Variants in EYS observed in about 807,000 individuals in gnomAD.
EYS encodes the protein protein eyes shut homolog.
In EYS, 250 loss-of-function variants were observed where a neutral mutation model predicts 282.1. That is an observed-to-expected ratio of 0.89 (90% CI 0.80 to 0.98). EYS has a LOEUF of 0.98. Among genes scored for constraint, EYS ranks in the 50% least tolerant of loss-of-function variants. The pLI, the probability that EYS is intolerant of heterozygous loss-of-function variation, is 0.00. For synonymous variants in EYS, 1,355 were observed against 1,282.9 expected (o/e 1.06, Z -1.20); for missense variants, 4,016 against 3,709.0 (o/e 1.08, Z -2.15).
rs567029857 is a variant in EYS at position 64,755,178 on chromosome 6, G to A, written c.3443+58200C>T. On this transcript the variant is annotated intron_variant, in intron 22 of 42. Transcript: ENST00000503581. ...AAGTTGAGAACAAATAAAGACCTAA[G>A]TTCCATTCATAATACCTATAAAAAC... Among the ~76,000 whole-genome samples the A allele has an allele frequency of 7.9e-5, 12 of 152,104 alleles. No individual in the cohort carries two copies. The East Asian group carries it at 1.9e-3, about 24-fold the overall frequency.
intron 26 of EYS, among the ~76,000 whole-genome samples, chr6:64,461,296 A>G (rs1441415943): frequency 6.6e-6 from 1 of 152,212 alleles, no homozygotes. Context: ...AATTATTTGC[A>G]TTATATGACA....
intron 19 of EYS, among the ~76,000 whole-genome samples, chr6:64,868,800 A>T (rs1056281777): frequency 6.6e-6 from 1 of 151,506 alleles, no homozygotes; most frequent in African/African-American, 2.4e-5. Flanking sequence ...ACAGGCCATC[A>T]GGTTAAAAAG....
intron 22 of EYS, among the ~76,000 whole-genome samples, chr6:64,737,729 A>G (rs908560029): frequency 6.6e-6 from 1 of 152,210 alleles, no homozygotes; most frequent in African/African-American, 2.4e-5. Context: ...ATTCTTGTGG[A>G]TCCACAACAT....
chr6:65,128,552 T>C (rs1775781374), intron 12 of EYS, among the ~76,000 whole-genome samples: 2 of 151,878 alleles, frequency 1.3e-5, no homozygotes, highest in African/African-American at 4.8e-5. Flanking sequence ...CTGAGTCAAA[T>C]CAAGAATGCA....
chr6:64,663,021 A>C (rs1003189681), intron 22 of EYS, among the ~76,000 whole-genome samples: 13 of 152,190 alleles, frequency 8.5e-5, no homozygotes, highest in Admixed American at 4.6e-4. Flanking sequence ...CAGATCTTTG[A>C]ATAGGAATGT....
chr6:65,239,916 G>C (rs572093172), intron 12 of EYS, among the ~76,000 whole-genome samples: 2 of 151,560 alleles, frequency 1.3e-5, no homozygotes, highest in Middle Eastern at 6.8e-3. Flanking sequence ...TTAAACACCT[G>C]TACAGAAAAC....
intron 31 of EYS, among the ~76,000 whole-genome samples, chr6:64,127,748 A>G (rs1045801766): frequency 6.6e-6 from 1 of 152,138 alleles, no homozygotes; most frequent in African/African-American, 2.4e-5. Flanking sequence ...CCAAATGAAA[A>G]GCAAAGAAAG....
intron 35 of EYS, among the ~76,000 whole-genome samples, chr6:63,924,751 A>G (rs1254271137): frequency 6.6e-6 from 1 of 152,250 alleles, no homozygotes; most frequent in Non-Finnish European, 1.5e-5. Context: ...TTTTTCCACT[A>G]TGGCCAAGAC....
intron 28 of EYS, among the ~76,000 whole-genome samples, chr6:64,396,027 C>A (rs1278374818): frequency 2.0e-5 from 3 of 151,928 alleles, no homozygotes; most frequent in Non-Finnish European, 4.4e-5. Flanking sequence ...AAAATTACTA[C>A]CTAGACTACT....
In EYS at chr6:65,344,148, T is replaced by G; in HGVS notation, c.1489A>C (p.Ile497Leu). ...GCAGCCAGAAAGAAATAGGCATCAA[T>G]AACCCCTTGGCACTTTTCGCCTTCA... Reference protein sequence around the residue: ...GSEGEKCQGVIDAYFFLAANC... With the variant: ...GSEGEKCQGVLDAYFFLAANC... Residue 497 changes from isoleucine (I) to leucine (L), a missense_variant, in exon 10 of 43, where the codon ATT becomes CTT. Transcript: ENST00000503581. The G allele has an allele frequency of 3.7e-6, 6 of 1,610,264 alleles. No homozygotes were observed. Among genetic ancestry groups the G allele is most frequent in the Non-Finnish European group, 4.2e-6 (5 of 1,177,624 alleles).
intron 12 of EYS, among the ~76,000 whole-genome samples, chr6:65,246,816 C>A (rs1767192876): frequency 6.6e-6 from 1 of 152,054 alleles, no homozygotes; most frequent in Non-Finnish European, 1.5e-5. Flanking sequence ...CATTTGCAGG[C>A]CATCTTTAAA....
chr6:65,102,117 G>A (rs1027788856), intron 12 of EYS, among the ~76,000 whole-genome samples: 4 of 151,314 alleles, frequency 2.6e-5, no homozygotes, highest in African/African-American at 9.7e-5. Flanking sequence ...ATTACTTTGT[G>A]AGGCATAGAA....
intron 14 of EYS, among the ~76,000 whole-genome samples, chr6:64,974,503 A>T (rs1347135251): frequency 6.6e-6 from 1 of 151,808 alleles, no homozygotes; most frequent in Non-Finnish European, 1.5e-5. Flanking sequence ...AGGAAGGATA[A>T]TTAAGCATTT....
chr6:65,236,465 G>T (rs960075974), intron 12 of EYS, among the ~76,000 whole-genome samples: 2 of 152,014 alleles, frequency 1.3e-5, no homozygotes, highest in Non-Finnish European at 2.9e-5. Flanking sequence ...CAAAAAATTA[G>T]CCGGGCATGG....
At chr6:65,353,425 A>G (rs764122892) in intron 9 of EYS, 33 bp downstream of exon 9, 1 of 1,602,882 alleles carries the variant, frequency 6.2e-7, no homozygotes, top group South Asian at 1.1e-5. Flanking sequence ...AAATGATTCA[A>G]GCAGATTGAA....
At chr6:65,538,458 T>A (rs1768042224) in intron 2 of EYS, among the ~76,000 whole-genome samples, 2 of 152,286 alleles carry the variant, frequency 1.3e-5, no homozygotes, top group African/African-American at 4.8e-5. Flanking sequence ...CCAGATCCTG[T>A]TGTTAAGTGC....
intron 35 of EYS, among the ~76,000 whole-genome samples, chr6:63,942,020 G>T (rs1313777142): frequency 6.6e-6 from 1 of 152,178 alleles, no homozygotes; most frequent in African/African-American, 2.4e-5. Context: ...CACTAAAGGT[G>T]TTGCAGTAGT....
intron 2 of EYS, among the ~76,000 whole-genome samples, chr6:65,608,007 CTT>C (rs1765860504): frequency 6.6e-6 from 1 of 151,900 alleles, no homozygotes; most frequent in Admixed American, 6.6e-5. Flanking sequence ...ATATTCCACT[CTT>C]AAAAATTCTT....
rs145365963 is a variant in EYS at position 64,033,473 on chromosome 6, G to C, written c.6725+32865C>G. Among the ~76,000 whole-genome samples the C allele has an allele frequency of 3.6e-3, 541 of 152,098 alleles. 3 individuals carry two copies. The highest frequency in any genetic ancestry group is 0.012 in the African/African-American group (509 of 41,510). The stretch of plus-strand genomic sequence containing the variant: ...AATTTTCATCTCTGAACCTGAAAAA[G>C]AGTACTAATAAATAAATTTCTAAGC... On this transcript the variant is annotated intron_variant, in intron 33 of 42. Transcript: ENST00000503581.
Sources: gnomAD v4.1 joint callset for allele counts (sites outside exome capture counted in the v4.1 genomes callset) on GRCh38, gnomAD v4.1.1 for gene constraint, MANE v1.5 for transcripts, NCBI Gene and HGNC (gene_info 2026-07-23, HGNC 2026-07-21) for gene names.